GALNT13: variants seen among roughly 807,000 people sequenced by gnomAD.
The protein encoded by GALNT13 is UDP-GalNAc:polypeptide N-acetylgalactosaminyltransferase 13.
Under a neutral mutation model 64.2 loss-of-function variants are expected in GALNT13, and 28 were observed. The ratio of observed to expected loss-of-function variants is 0.44; its 90% CI spans 0.32 to 0.60. GALNT13 has a LOEUF of 0.60. GALNT13 is among the 20% of genes least tolerant of loss of function. The pLI is 0.05. For synonymous variants in GALNT13, 214 were observed against 224.6 expected (o/e 0.95, Z 0.42); for missense variants, 577 against 669.8 (o/e 0.86, Z 1.53).
chr2:154,139,193 G>A (rs1282401444), intron 3 of GALNT13, among the ~76,000 whole-genome samples: 1 of 152,006 alleles, frequency 6.6e-6, no homozygotes, highest in African/African-American at 2.4e-5. Context: ...AATAATACCA[G>A]TTTTGCTGTT....
chr2:153,892,106 A>G (rs1403514341), intron 1 of GALNT13, among the ~76,000 whole-genome samples: 1 of 152,080 alleles, frequency 6.6e-6, no homozygotes, highest in East Asian at 1.9e-4. Context: ...GCTAACTTTC[A>G]ACCTGTTATC....
chr2:154,098,907 T>C (rs998852243), intron 3 of GALNT13, among the ~76,000 whole-genome samples: 3 of 128,388 alleles, frequency 2.3e-5, no homozygotes, highest in Admixed American at 2.2e-4. Context: ...ATGTATATAA[T>C]GATTTTTTTT....
chr2:153,096,649 G>A, the GALNT13 span, among the ~76,000 whole-genome samples: 1 of 152,006 alleles, frequency 6.6e-6, no homozygotes, highest in Non-Finnish European at 1.5e-5. Flanking sequence ...TTTTGGCCTT[G>A]GAATCTATTT....
At chr2:153,872,872 T>C (rs1686077981) in intron 1 of GALNT13, among the ~76,000 whole-genome samples, 1 of 152,164 alleles carries the variant, frequency 6.6e-6, no homozygotes, top group Non-Finnish European at 1.5e-5. Context: ...ATTCTCGCCG[T>C]GTGTGTCTCT....
chr2:153,921,425 G>A (rs10175419), intron 2 of GALNT13, among the ~76,000 whole-genome samples: 78,859 of 151,930 alleles, frequency 0.52, 22,519 homozygotes, highest in Non-Finnish European at 0.66. Flanking sequence ...AGAACACATG[G>A]ACACAAAGAG....
the GALNT13 span, among the ~76,000 whole-genome samples, chr2:153,778,101 C>T: frequency 6.6e-6 from 1 of 152,178 alleles, no homozygotes; most frequent in African/African-American, 2.4e-5. Flanking sequence ...AAGTCAATGG[C>T]CTGCTGGCAT....
At chr2:153,959,727 G>T (rs1394091139) in intron 3 of GALNT13, among the ~76,000 whole-genome samples, 2 of 152,196 alleles carry the variant, frequency 1.3e-5, no homozygotes, top group Non-Finnish European at 2.9e-5. Context: ...GGTGAGTTTG[G>T]CAGGGCTGCC....
At chr2:153,948,720 T>C (rs1342901470) in intron 3 of GALNT13, among the ~76,000 whole-genome samples, 2 of 152,108 alleles carry the variant, frequency 1.3e-5, no homozygotes, top group Non-Finnish European at 2.9e-5. Flanking sequence ...TGGATGGAGC[T>C]GGAGGCAGTT....
chr2:154,084,612 A>C (rs1029212832), intron 3 of GALNT13, among the ~76,000 whole-genome samples: 1 of 151,934 alleles, frequency 6.6e-6, no homozygotes, highest in Non-Finnish European at 1.5e-5. Flanking sequence ...ATTAAAACAA[A>C]TCTATCTTTC....
chr2:153,291,631 A>G, the GALNT13 span, among the ~76,000 whole-genome samples: 1 of 151,878 alleles, frequency 6.6e-6, no homozygotes, highest in South Asian at 2.1e-4. Flanking sequence ...AACACAAAGC[A>G]TCACCCCTCC....
At chr2:154,212,638 C>T (rs901954899) in intron 4 of GALNT13, among the ~76,000 whole-genome samples, 1 of 151,896 alleles carries the variant, frequency 6.6e-6, no homozygotes, top group Non-Finnish European at 1.5e-5. Context: ...TCTCCTCCTC[C>T]TATCCCTTTT....
intron 3 of GALNT13, among the ~76,000 whole-genome samples, chr2:154,001,847 TGTTA>T (rs1010396486): frequency 3.3e-5 from 5 of 152,076 alleles, no homozygotes; most frequent in African/African-American, 1.2e-4. Context: ...AAGACTTGTC[TGTTA>T]GTTATGTATT....
At chr2:153,167,316 A>T in the GALNT13 span, among the ~76,000 whole-genome samples, 1 of 152,322 alleles carries the variant, frequency 6.6e-6, no homozygotes, top group East Asian at 1.9e-4. Flanking sequence ...TTGAATCTGG[A>T]CAGAGGCAGA....
At chr2:153,245,085 C>T in the GALNT13 span, among the ~76,000 whole-genome samples, 5 of 152,242 alleles carry the variant, frequency 3.3e-5, no homozygotes, top group Admixed American at 1.3e-4. Flanking sequence ...CCTCACTGCG[C>T]AGGGGATCTC....
chr2:153,713,906 C>G, the GALNT13 span, among the ~76,000 whole-genome samples: 1 of 152,204 alleles, frequency 6.6e-6, no homozygotes, highest in African/African-American at 2.4e-5. Context: ...CAAAGTGATA[C>G]AATTTGCTGC....
At chr2:153,266,488 T>G in the GALNT13 span, among the ~76,000 whole-genome samples, 1 of 152,066 alleles carries the variant, frequency 6.6e-6, no homozygotes. Context: ...TGACTCACAG[T>G]TTTACATGGC....
the GALNT13 span, among the ~76,000 whole-genome samples, chr2:153,781,622 A>G: frequency 6.6e-6 from 1 of 152,068 alleles, no homozygotes; most frequent in Non-Finnish European, 1.5e-5. Flanking sequence ...TACACAAAAT[A>G]TTTTTTATGT....
chr2:153,595,067 G>T, the GALNT13 span, among the ~76,000 whole-genome samples: 10 of 151,992 alleles, frequency 6.6e-5, no homozygotes, highest in African/African-American at 2.4e-4. Flanking sequence ...CATAATTCTA[G>T]ACAAAATATA....
intron 3 of GALNT13, among the ~76,000 whole-genome samples, chr2:154,089,581 A>G (rs752024620): frequency 2.0e-5 from 3 of 151,996 alleles, no homozygotes; most frequent in Non-Finnish European, 4.4e-5. Context: ...CTGCCCTTGA[A>G]GAGAAGATAC....
Sources: allele counts gnomAD v4.1 joint callset (sites outside exome capture counted in the v4.1 genomes callset), GRCh38; gene constraint gnomAD v4.1.1; transcripts MANE v1.5; gene names NCBI Gene and HGNC (gene_info 2026-07-23, HGNC 2026-07-21).